MAGI1: variants seen among roughly 807,000 people sequenced by gnomAD.
MAGI1 encodes the protein membrane-associated guanylate kinase, WW and PDZ domain-containing protein 1.
In MAGI1, 58 loss-of-function variants were observed where a neutral mutation model predicts 139.9. That is an observed-to-expected ratio of 0.41 (90% CI 0.34 to 0.52). The LOEUF (loss-of-function observed/expected upper bound fraction) is 0.52. Ranked by LOEUF, MAGI1 falls within the 20% of genes least tolerant of loss-of-function variation. MAGI1 has a pLI of 0.12. For synonymous variants in MAGI1, 812 were observed against 737.9 expected (o/e 1.10, Z -1.63); for missense variants, 1,874 against 1,901.6 (o/e 0.99, Z 0.27).
intron 6 of MAGI1, among the ~76,000 whole-genome samples, chr3:65,452,037 A>G (rs1472982645): frequency 6.6e-6 from 1 of 152,162 alleles, no homozygotes; most frequent in Non-Finnish European, 1.5e-5. Context: ...AATAATCAGT[A>G]TAGTCTATTA....
chr3:65,488,965 G>A (rs573298770), intron 3 of MAGI1, among the ~76,000 whole-genome samples: 18 of 152,222 alleles, frequency 1.2e-4, no homozygotes, highest in Non-Finnish European at 2.4e-4. Context: ...CCGCCACCAC[G>A]CCCAGCAAAA....
At chr3:65,816,643 A>G (rs1007656453) in intron 1 of MAGI1, among the ~76,000 whole-genome samples, 24 of 152,272 alleles carry the variant, frequency 1.6e-4, no homozygotes, top group South Asian at 1.0e-3. Context: ...CAGGGGAAAA[A>G]AAAAAAAAAA....
intron 1 of MAGI1, among the ~76,000 whole-genome samples, chr3:66,004,518 C>T (rs2107463754): frequency 6.6e-6 from 1 of 152,214 alleles, no homozygotes; most frequent in East Asian, 1.9e-4. Context: ...TACGGTCCTG[C>T]CTCAAGAGTC....
intron 1 of MAGI1, among the ~76,000 whole-genome samples, chr3:66,016,417 A>G (rs995091174): frequency 3.3e-5 from 5 of 152,194 alleles, no homozygotes; most frequent in African/African-American, 1.2e-4. Flanking sequence ...ATTACTGAGC[A>G]TACAGCCTCC....
intron 1 of MAGI1, among the ~76,000 whole-genome samples, chr3:65,769,042 T>G (rs924764236): frequency 6.6e-6 from 1 of 152,118 alleles, no homozygotes; most frequent in Non-Finnish European, 1.5e-5. Flanking sequence ...ATTTCAATTT[T>G]AAAGCCACTG....
intron 1 of MAGI1, among the ~76,000 whole-genome samples, chr3:65,896,075 T>C (rs2060955198): frequency 6.6e-6 from 1 of 152,146 alleles, no homozygotes; most frequent in African/African-American, 2.4e-5. Flanking sequence ...CCTAACAGCC[T>C]GGCTGACATG....
intron 1 of MAGI1, among the ~76,000 whole-genome samples, chr3:65,892,894 C>T (rs1329889084): frequency 2.0e-5 from 3 of 152,138 alleles, no homozygotes; most frequent in Non-Finnish European, 4.4e-5. Flanking sequence ...TTAGAGAGGT[C>T]ACAAAGCCAC....
intron 1 of MAGI1, among the ~76,000 whole-genome samples, chr3:65,977,327 G>T (rs2065314744): frequency 6.6e-6 from 1 of 152,096 alleles, no homozygotes; most frequent in Non-Finnish European, 1.5e-5. Flanking sequence ...ACACACTTAG[G>T]TACAGGTAAG....
At chr3:65,777,005 C>A (rs956665876) in intron 1 of MAGI1, among the ~76,000 whole-genome samples, 1 of 152,156 alleles carries the variant, frequency 6.6e-6, no homozygotes, top group Non-Finnish European at 1.5e-5. Context: ...CTGAAGGGCA[C>A]TGGGGCCTAG....
At chr3:65,477,891 C>G (rs1374919545) in intron 4 of MAGI1, among the ~76,000 whole-genome samples, 3 of 151,484 alleles carry the variant, frequency 2.0e-5, no homozygotes, top group East Asian at 3.9e-4. Flanking sequence ...TACCCAAAGG[C>G]CTTGTCCTTG....
intron 2 of MAGI1, among the ~76,000 whole-genome samples, chr3:65,610,752 A>ACTATATATATATATATATACT (rs201546372): frequency 3.2e-5 from 4 of 123,258 alleles, no homozygotes; most frequent in African/African-American, 9.2e-5. Context: ...GTATATATAC[A>ACTATATATATATATATATACT]GTATATATAT....
intron 2 of MAGI1, among the ~76,000 whole-genome samples, chr3:65,534,330 A>C (rs151284212): frequency 2.0e-5 from 3 of 152,224 alleles, no homozygotes; most frequent in African/African-American, 7.2e-5. Context: ...AAAATAAATA[A>C]ATAAATGAAA....
chr3:65,632,997 A>T (rs1299055979), intron 1 of MAGI1, among the ~76,000 whole-genome samples: 2 of 152,134 alleles, frequency 1.3e-5, no homozygotes, highest in Non-Finnish European at 2.9e-5. Flanking sequence ...ATGAAATAAA[A>T]ATGACTGGTC....
intron 1 of MAGI1, among the ~76,000 whole-genome samples, chr3:65,735,307 G>A (rs1040628067): frequency 4.6e-5 from 7 of 151,720 alleles, no homozygotes; most frequent in Admixed American, 4.6e-4. Context: ...TTTTGGGGGG[G>A]TTCTCATTTT....
intron 3 of MAGI1, among the ~76,000 whole-genome samples, chr3:65,484,947 A>G (rs1575960319): frequency 6.6e-6 from 1 of 152,228 alleles, no homozygotes; most frequent in Admixed American, 6.5e-5. Context: ...CAAAGAGGCC[A>G]GGAGCCACAT....
At chr3:65,504,022 A>G (rs776004788) in intron 2 of MAGI1, among the ~76,000 whole-genome samples, 6 of 152,224 alleles carry the variant, frequency 3.9e-5, no homozygotes, top group Non-Finnish European at 5.9e-5. Flanking sequence ...AATGAATCAT[A>G]TAATACAAAA....
At chr3:65,446,898 G>A (rs1948715854) in intron 7 of MAGI1, among the ~76,000 whole-genome samples, 1 of 152,010 alleles carries the variant, frequency 6.6e-6, no homozygotes, top group Non-Finnish European at 1.5e-5. Flanking sequence ...CAACAGACAG[G>A]TTCCAAATGT....
intron 10 of MAGI1, among the ~76,000 whole-genome samples, chr3:65,431,615 A>AAC (rs537405453): frequency 0.02 from 3,113 of 151,956 alleles, 63 homozygotes; most frequent in Non-Finnish European, 0.024. Context: ...CCCCCCCCAC[A>AAC]ACACACACAC....
At chr3:65,610,718 A>G (rs1453729291) in intron 2 of MAGI1, among the ~76,000 whole-genome samples, 1 of 88,718 alleles carries the variant, frequency 1.1e-5, no homozygotes, top group African/African-American at 4.1e-5. Context: ...CGTCAGGTTC[A>G]TTTAGGTACA....
Sources: allele counts gnomAD v4.1 joint callset (sites outside exome capture counted in the v4.1 genomes callset), GRCh38; gene constraint gnomAD v4.1.1; transcripts MANE v1.5; gene names NCBI Gene and HGNC (gene_info 2026-07-23, HGNC 2026-07-21).